Variants in PIGN observed in about 807,000 individuals in gnomAD.
PIGN encodes the protein phosphatidylinositol glycan anchor biosynthesis class N.
In PIGN, 117 loss-of-function variants were observed where a neutral mutation model predicts 125.4. The observed-to-expected ratio is 0.93, with a 90% CI of 0.80 to 1.09. The LOEUF (loss-of-function observed/expected upper bound fraction) is 1.09, where lower values mean the gene tolerates loss of function less well. Among genes scored for constraint, PIGN ranks in the 50% least tolerant of loss-of-function variants. The pLI, the probability that PIGN is intolerant of heterozygous loss-of-function variation, is 0.00. For synonymous variants in PIGN, 392 were observed against 377.8 expected (o/e 1.04, Z -0.44); for missense variants, 1,075 against 1,094.9 (o/e 0.98, Z 0.26).
At chr18:62,068,426 C>A (rs1180132049) in intron 30 of PIGN, among the ~76,000 whole-genome samples, 1 of 152,134 alleles carries the variant, frequency 6.6e-6, no homozygotes, top group Non-Finnish European at 1.5e-5. Context: ...TGCTGATAGT[C>A]CTTCTCCCAC....
chr18:62,160,747 G>A (rs1458379904), intron 4 of PIGN, among the ~76,000 whole-genome samples: 1 of 152,146 alleles, frequency 6.6e-6, no homozygotes, highest in Non-Finnish European at 1.5e-5. Context: ...GACCTCAGGT[G>A]ATCCCTGTGC....
At chr18:62,144,264 A>G (rs926493191) in intron 10 of PIGN, among the ~76,000 whole-genome samples, 4 of 152,206 alleles carry the variant, frequency 2.6e-5, no homozygotes, top group Non-Finnish European at 5.9e-5. Context: ...CCTACTTTCT[A>G]TTTTGATCCA....
chr18:62,131,850 T>G (rs1169791442), intron 14 of PIGN, among the ~76,000 whole-genome samples: 4 of 152,080 alleles, frequency 2.6e-5, no homozygotes. Flanking sequence ...AACAAGATAA[T>G]GGAAAAATGG....
At chr18:62,120,980 CA>C (rs1436877210) in intron 14 of PIGN, among the ~76,000 whole-genome samples, 2 of 151,958 alleles carry the variant, frequency 1.3e-5, no homozygotes, top group African/African-American at 4.8e-5. Flanking sequence ...ATAAGAACAT[CA>C]AAATGTTAAA....
chr18:62,155,372 C>T (rs2036688813), intron 6 of PIGN, among the ~76,000 whole-genome samples: 1 of 151,856 alleles, frequency 6.6e-6, no homozygotes, highest in African/African-American at 2.4e-5. Flanking sequence ...ATCGAGACCC[C>T]CCTGGCCAAC....
At chr18:62,057,750 T>C (rs183506821) in intron 30 of PIGN, among the ~76,000 whole-genome samples, 22 of 152,286 alleles carry the variant, frequency 1.4e-4, no homozygotes, top group Admixed American at 9.8e-4. Flanking sequence ...ATGAATTCTC[T>C]CCTGACCATG....
intron 22 of PIGN, 36 bp downstream of exon 22, chr18:62,101,039 G>A (rs2034414457): frequency 9.2e-7 from 1 of 1,081,840 alleles, no homozygotes; most frequent in East Asian, 2.4e-5. Flanking sequence ...CTAAGTTGAT[G>A]TCAAATTACC....
At chr18:62,046,430 C>A (rs1238234363) in intron 30 of PIGN, among the ~76,000 whole-genome samples, 2 of 131,358 alleles carry the variant, frequency 1.5e-5, no homozygotes, top group Non-Finnish European at 3.3e-5. Context: ...TCAGCGGCAG[C>A]ATTAGATTCT....
At chr18:62,060,889 T>C (rs1296779477) in intron 30 of PIGN, among the ~76,000 whole-genome samples, 1 of 152,216 alleles carries the variant, frequency 6.6e-6, no homozygotes, top group African/African-American at 2.4e-5. Flanking sequence ...AAGGCAATAC[T>C]CTATAAAGTT....
At chr18:62,150,682 A>G (rs969725632) in intron 7 of PIGN, among the ~76,000 whole-genome samples, 16 of 114,722 alleles carry the variant, frequency 1.4e-4, no homozygotes, top group Non-Finnish European at 2.1e-4. Context: ...GGAGGGGGAA[A>G]TGAAGAGTTA....
At chr18:62,116,113 T>C (rs992480935) in intron 14 of PIGN, among the ~76,000 whole-genome samples, 3 of 152,124 alleles carry the variant, frequency 2.0e-5, no homozygotes, top group South Asian at 2.1e-4. Context: ...CAAAAACACA[T>C]GAAAGAAAAA....
intron 1 of PIGN, among the ~76,000 whole-genome samples, chr18:62,167,655 CAA>C (rs2037197552): frequency 7.7e-6 from 1 of 129,634 alleles, no homozygotes; most frequent in African/African-American, 2.8e-5. Flanking sequence ...AAAAAAAAAA[CAA>C]AGTTATATGT....
At chr18:62,070,805 T>C (rs1443122258) in intron 30 of PIGN, among the ~76,000 whole-genome samples, 2 of 148,138 alleles carry the variant, frequency 1.4e-5, no homozygotes, top group Non-Finnish European at 2.9e-5. Flanking sequence ...AATTAACTAA[T>C]TAATTAATTT....
chr18:62,059,588 T>G (rs971944214), intron 30 of PIGN, among the ~76,000 whole-genome samples: 1 of 152,196 alleles, frequency 6.6e-6, no homozygotes, highest in African/African-American at 2.4e-5. Context: ...ATATGAAATG[T>G]CCACAATAGG....
rs1298867991 is a variant in PIGN, at chr18:62,147,094, T to C, written c.682A>G (p.Lys228Glu). 1.3e-6 allele frequency: 2 copies of C among 1,596,792 alleles called. No individual in the cohort carries two copies. The highest frequency in any genetic ancestry group is 1.7e-6 in the Non-Finnish European group (2 of 1,167,500). The change falls in exon 9 of 31, where the codon AAG becomes GAG. Residue 228 changes from lysine to glutamate, a missense_variant. Physicochemically the swap from Lys to Glu is moderately conservative, Grantham distance 56. Transcript: ENST00000640252. The stretch of plus-strand genomic sequence containing the variant: ...TCATCAACTTTTTTAATATTGTGCT[T>C]GTAGTCTCTATTTGTAAAGAAACAG... Reference protein sequence around the residue: ...HAHRPSSRDYKHNIKKVDDGV... With the variant: ...HAHRPSSRDYEHNIKKVDDGV...
intron 10 of PIGN, among the ~76,000 whole-genome samples, chr18:62,144,991 G>C (rs1225704157): frequency 1.0e-5 from 1 of 98,672 alleles, no homozygotes; most frequent in African/African-American, 4.1e-5. Flanking sequence ...GCAAGAACCT[G>C]TCTCTAAGGA....
At chr18:62,175,049 A>G (rs1383226485) in intron 1 of PIGN, among the ~76,000 whole-genome samples, 1 of 137,950 alleles carries the variant, frequency 7.2e-6, no homozygotes, top group East Asian at 2.1e-4. Flanking sequence ...TTATAAATAT[A>G]TATTTTTATA....
intron 30 of PIGN, among the ~76,000 whole-genome samples, chr18:62,047,586 C>T (rs910826178): frequency 2.6e-5 from 4 of 152,174 alleles, no homozygotes; most frequent in East Asian, 3.9e-4. Flanking sequence ...TGGTCCCTGG[C>T]AGGCAGCAGT....
At position 62,113,285 on chromosome 18, in the gene PIGN, G is replaced by T; in HGVS notation, c.1283C>A (p.Ala428Glu). 6.2e-7 allele frequency: 1 copy of T among 1,611,290 alleles called. No individual in the cohort carries two copies. The highest frequency in any genetic ancestry group is 8.5e-7 in the Non-Finnish European group (1 of 1,178,690). The change falls in exon 16 of 31, where the codon GCA becomes GAA. Residue 428 changes from alanine to glutamate, a missense_variant. Coordinates refer to ENST00000640252, the MANE Select transcript of PIGN (RefSeq NM_176787.5). ...VSLCKELIHL[A>E]LKGLSYYHTY... ...GTGATAATAGGACAATCCTTTCAAT[G>T]CAAGATGAATTAGCTCCTTGCAAAG...
Sources: gnomAD v4.1 joint callset for allele counts (sites outside exome capture counted in the v4.1 genomes callset) on GRCh38, gnomAD v4.1.1 for gene constraint, MANE v1.5 for transcripts, NCBI Gene and HGNC (gene_info 2026-07-23, HGNC 2026-07-21) for gene names.